Variants in OR3A2 observed in about 807,000 individuals in gnomAD.
OR3A2 encodes the protein olfactory receptor 3A2.
For synonymous variants in OR3A2, 126 were observed against 159.3 expected, an observed-to-expected ratio of 0.79 and a Z score of 1.57; for missense variants, 318 against 392.8, an observed-to-expected ratio of 0.81 and a Z score of 1.61.
chr17:3,314,507 G>T (rs1472789948), intron 3 of OR3A2, among the ~76,000 whole-genome samples: 1 of 151,418 alleles, frequency 6.6e-6, no homozygotes, highest in Non-Finnish European at 1.5e-5. Context: ...GTAAACATGT[G>T]TATGGGCTGA....
At chr17:3,368,578 T>A (rs914114220) in intron 2 of OR3A2, among the ~76,000 whole-genome samples, 7 of 152,220 alleles carry the variant, frequency 4.6e-5, no homozygotes, top group African/African-American at 1.4e-4. Context: ...TTCTCTTTTA[T>A]GTTCCATTGG....
At chr17:3,358,205 G>A (rs765329743) in intron 2 of OR3A2, among the ~76,000 whole-genome samples, 13 of 151,852 alleles carry the variant, frequency 8.6e-5, no homozygotes, top group South Asian at 2.1e-4. Context: ...CCCAGACCTA[G>A]AAGGTTTCAA....
chr17:3,375,155 TTTTTTTTTTTTTTTCTTTTTGAGACA>T (rs1186146744), intron 2 of OR3A2, among the ~76,000 whole-genome samples: 9 of 122,476 alleles, frequency 7.3e-5, no homozygotes, highest in Non-Finnish European at 1.2e-4. Context: ...TTTTTTTTTT[TTTTTTTTTTTTTTTCTTTTTGAGACA>T]GTCTCACTCA....
In OR3A2 at chr17:3,304,538, G is replaced by A. The variant is rs150005081; in HGVS notation, c.-84-25385C>T. 1.7e-3 allele frequency among the ~76,000 whole-genome samples: 262 copies of A among 152,296 alleles called. 1 individual carries two copies. Among genetic ancestry groups the A allele is most frequent in the African/African-American group, 5.7e-3 (238 of 41,554 alleles). ...CGTCCTGCCCTGCATGGTATCCACT[G>A]CTTCATAGATTTTGTTTGGTTTCTT... On this transcript the variant is annotated intron_variant, in intron 3 of 4. Transcript: ENST00000573491.
chr17:3,305,803 A>G (rs574355875), intron 3 of OR3A2, among the ~76,000 whole-genome samples: 5 of 152,234 alleles, frequency 3.3e-5, no homozygotes, highest in Non-Finnish European at 5.9e-5. Flanking sequence ...GTAAACCACA[A>G]ATGATTAGAC....
chr17:3,331,355 T>C (rs1394346405), intron 3 of OR3A2, among the ~76,000 whole-genome samples: 1 of 152,172 alleles, frequency 6.6e-6, no homozygotes, highest in Non-Finnish European at 1.5e-5. Flanking sequence ...GGTACACCAA[T>C]CCGACGTAGA....
At chr17:3,292,604 C>G in intron 3 of OR3A2, 1 of 1,557,278 alleles carries the variant, frequency 6.4e-7, no homozygotes, top group Non-Finnish European at 8.7e-7. Flanking sequence ...AAGAAACATC[C>G]AGGGAGGAAA....
chr17:3,285,905 T>A (rs569474687), upstream of OR3A2, among the ~76,000 whole-genome samples: 441 of 152,340 alleles, frequency 2.9e-3, 2 homozygotes, highest in Non-Finnish European at 5.5e-3. Context: ...TTCACAATTC[T>A]ATGAAGTAGA....
At chr17:3,351,280 A>T (rs1474519274) in intron 2 of OR3A2, among the ~76,000 whole-genome samples, 1 of 88,774 alleles carries the variant, frequency 1.1e-5, no homozygotes, top group Non-Finnish European at 2.3e-5. Context: ...TATCTAGAAA[A>T]CCCCATTGTG....
chr17:3,288,166 A>G (rs2048830735), upstream of OR3A2, among the ~76,000 whole-genome samples: 1 of 149,458 alleles, frequency 6.7e-6, no homozygotes, highest in Non-Finnish European at 1.5e-5. Context: ...TTAGCAACAT[A>G]TATGGCAAAG....
intron 2 of OR3A2, among the ~76,000 whole-genome samples, chr17:3,381,318 G>GTT (rs76590302): frequency 1.4e-5 from 2 of 143,392 alleles, no homozygotes; most frequent in Admixed American, 7.0e-5. Flanking sequence ...CAAACATAGG[G>GTT]TTTTTTTTTT....
intron 3 of OR3A2, among the ~76,000 whole-genome samples, chr17:3,315,757 G>GC (rs1555526600): frequency 7.9e-6 from 1 of 126,702 alleles, no homozygotes; most frequent in African/African-American, 2.9e-5. Flanking sequence ...AATATGGGGG[G>GC]GGGGGCGGTA....
intron 2 of OR3A2, among the ~76,000 whole-genome samples, chr17:3,346,906 T>C (rs939560481): frequency 6.6e-6 from 1 of 152,236 alleles, no homozygotes; most frequent in Non-Finnish European, 1.5e-5. Context: ...CCATTGTGTA[T>C]ATGCACCACA....
At chr17:3,341,151 C>T (rs1385534721) in intron 2 of OR3A2, among the ~76,000 whole-genome samples, 5 of 152,056 alleles carry the variant, frequency 3.3e-5, no homozygotes, top group African/African-American at 9.7e-5. Flanking sequence ...ATTTTGAGCC[C>T]ATGTGTGTCT....
At chr17:3,285,485 G>A (rs182733311), upstream of OR3A2, among the ~76,000 whole-genome samples, 272 of 152,198 alleles carry the variant, frequency 1.8e-3, no homozygotes, top group African/African-American at 5.9e-3. Flanking sequence ...CATATGAATT[G>A]ATAACAATTA....
intron 2 of OR3A2, among the ~76,000 whole-genome samples, chr17:3,344,458 A>G (rs1416731015): frequency 6.6e-6 from 1 of 152,034 alleles, no homozygotes; most frequent in East Asian, 1.9e-4. Context: ...ATTCCCCACC[A>G]TACAGCTAGA....
chr17:3,325,818 G>A lies in OR3A2; in HGVS notation c.-85+10215C>T, dbSNP rs140139066. 1.8e-3 allele frequency among the ~76,000 whole-genome samples: 269 copies of A among 152,010 alleles called. 2 individuals are homozygous for A. Among genetic ancestry groups the A allele is most frequent in the African/African-American group, 5.8e-3 (241 of 41,414 alleles). On this transcript the variant is annotated intron_variant, in intron 3 of 4. Coordinates refer to the OR3A2 transcript ENST00000573491. ...TTTCACTTTAAGTTCCAGGGTATAC[G>A]TGCAGGATGTGCAGGTTTATTACAT...
intron 2 of OR3A2, among the ~76,000 whole-genome samples, chr17:3,346,113 T>TA (rs891762176): frequency 4.6e-5 from 7 of 152,044 alleles, no homozygotes; most frequent in South Asian, 4.1e-4. Context: ...ACAGAGCTAA[T>TA]AAAAAAAATT....
intron 3 of OR3A2, among the ~76,000 whole-genome samples, chr17:3,327,125 C>G (rs2049182516): frequency 1.4e-5 from 1 of 73,200 alleles, no homozygotes; most frequent in Non-Finnish European, 2.2e-5. Context: ...CTTGAGGAAT[C>G]GCGACACTGA....
Sources: gnomAD v4.1 joint callset for allele counts (sites outside exome capture counted in the v4.1 genomes callset) on GRCh38, gnomAD v4.1.1 for gene constraint, MANE v1.5 for transcripts, NCBI Gene and HGNC (gene_info 2026-07-23, HGNC 2026-07-21) for gene names.